TFPT: variants seen among roughly 807,000 people sequenced by gnomAD.
TFPT encodes INO80 complex subunit F.
TFPT carries 27 observed loss-of-function variants against 28.8 expected under a neutral mutation model. The observed-to-expected ratio is 0.94, with a 90% CI of 0.69 to 1.29. The LOEUF (loss-of-function observed/expected upper bound fraction) is 1.29. Among genes scored for constraint, TFPT ranks in the 50% most tolerant of loss-of-function variants. The pLI, the probability that TFPT is intolerant of heterozygous loss-of-function variation, is 0.00. For synonymous variants in TFPT, 152 were observed against 142.8 expected (o/e 1.06, Z -0.46); for missense variants, 330 against 338.0 (o/e 0.98, Z 0.19).
chr19:54,114,707 G>T lies in TFPT; in HGVS notation c.24-7C>A, dbSNP rs751151436. ...GCCCACGGCTGCCATGGTCCTGAGA[G>T]GCAGGGAAAGGCTCAGGGGCCCTGG... On this transcript the variant is annotated splice_polypyrimidine_tract_variant and splice_region_variant and intron_variant, in intron 1 of 5. Transcript: ENST00000391759. The T allele has an allele frequency of 6.2e-7, 1 of 1,609,572 alleles. No individual in the cohort carries two copies. Among genetic ancestry groups the T allele is most frequent in the Admixed American group, 1.7e-5 (1 of 59,844 alleles).
intron 2 of TFPT, among the ~76,000 whole-genome samples, chr19:54,113,011 T>C (rs1329197534): frequency 2.8e-5 from 4 of 140,900 alleles, no homozygotes; most frequent in Admixed American, 2.4e-4. Flanking sequence ...GAGAATCACT[T>C]GAACCCAGGA....
Position 54,108,347 on chromosome 19 carries a change from G to A in TFPT, c.402C>T (p.Ser134=). 6.2e-7 allele frequency: 1 copy of A among 1,608,710 alleles called. No homozygotes were observed. Among genetic ancestry groups the A allele is most frequent in the South Asian group, 1.1e-5 (1 of 90,302 alleles). The change falls in exon 4 of 6, where the codon AGC becomes AGT. Residue 134 remains serine, a synonymous_variant. Coordinates refer to ENST00000391759, the MANE Select transcript of TFPT (RefSeq NM_013342.4). ...LDSYGDDYRA[S]QFTIVLEDEG... ...TCACCTCCAGCACAATGGTGAACTG[G>A]CTGGCCCGGTAGTCATCCCCGTAGG...
intron 1 of TFPT, 56 bp downstream of exon 1, chr19:54,115,191 T>A: frequency 6.2e-7 from 1 of 1,613,414 alleles, no homozygotes; most frequent in Non-Finnish European, 8.5e-7. Context: ...TTGCACACAA[T>A]GCAGCTGCAC....
chr19:54,115,222 T>G (rs751148849), intron 1 of TFPT, 25 bp downstream of exon 1: 1 of 1,614,144 alleles, frequency 6.2e-7, no homozygotes. Context: ...GATTCGCACT[T>G]TTTCACAAGG....
Position 54,107,027 on chromosome 19 carries a change from G to A in TFPT, c.*23C>T, listed in dbSNP as rs1271889021. The stretch of plus-strand genomic sequence containing the variant: ...AGTAGACGGTGGCCGGGGTGAGTGT[G>A]GGGTCAGTTTATTGGGCATGCGTCA... On this transcript the variant is annotated 3_prime_UTR_variant, in exon 6 of 6. Coordinates refer to ENST00000391759, the MANE Select transcript of TFPT (RefSeq NM_013342.4). The A allele has an allele frequency of 4.3e-6, 7 of 1,611,642 alleles. No homozygotes were observed. Among genetic ancestry groups the A allele is most frequent in the Non-Finnish European group, 5.9e-6 (7 of 1,178,786 alleles).
At chr19:54,113,850 C>T (rs1160662070) in intron 2 of TFPT, among the ~76,000 whole-genome samples, 1 of 152,164 alleles carries the variant, frequency 6.6e-6, no homozygotes, top group Admixed American at 6.5e-5. Context: ...CACCACCACA[C>T]CTGGCTAATT....
intron 2 of TFPT, among the ~76,000 whole-genome samples, chr19:54,111,849 G>A (rs917343418): frequency 3.3e-5 from 5 of 151,826 alleles, no homozygotes; most frequent in African/African-American, 9.7e-5. Context: ...GTGTAGTGGC[G>A]CATGCCTGTA....
chr19:54,108,150 GGA>G lies in TFPT; in HGVS notation c.516_517del (p.Pro173CysfsTer12). ...TGGGCTGCCGGGTTCTGGGGGTGCA[GGA>G]GTCCTTCTGGGCGGGGACAGTGTCT... On this transcript the variant is annotated frameshift_variant, in exon 5 of 6. Transcript: ENST00000391759. LOFTEE classifies it high-confidence loss of function. 6.3e-7 allele frequency: 1 copy of G among 1,588,442 alleles called. No individual in the cohort carries two copies. Among genetic ancestry groups the G allele is most frequent in the Non-Finnish European group, 8.6e-7 (1 of 1,165,188 alleles).
rs1220428572 is a variant in TFPT at position 54,110,062 on chromosome 19, C to A, written c.342G>T (p.Gln114His). The A allele has an allele frequency of 6.2e-7, 1 of 1,614,046 alleles. No homozygotes were observed. The highest frequency in any genetic ancestry group is 8.5e-7 in the Non-Finnish European group (1 of 1,180,036). ...AGAGAAGGGGTTACCTCCGTTCCTGCTGCAGCCTCCGAGTTATCCTCTGCA... is the reference window on the plus strand; with the variant it reads ...AGAGAAGGGGTTACCTCCGTTCCTGATGCAGCCTCCGAGTTATCCTCTGCA... ...HQVQRITRRL[Q>H]QERRFLMRVL... is the part of the protein sequence containing the mutation. Residue 114 changes from glutamine (Q) to histidine (H), a missense_variant, in exon 3 of 6, where the codon CAG becomes CAT. Gln to His is a conservative substitution (Grantham distance 24). Coordinates refer to ENST00000391759, the MANE Select transcript of TFPT (RefSeq NM_013342.4).
At chr19:54,108,915 G>A (rs1345331188) in intron 3 of TFPT, 1 of 265,668 alleles carries the variant, frequency 3.8e-6, no homozygotes. Context: ...GTTGTTTTGC[G>A]ACGGAATCTC....
In TFPT at chr19:54,114,406, G is replaced by A; in HGVS notation, c.282+36C>T. Reference sequence around the variant, plus strand: ...TTGCGGGGGGCGGTAGTTTAGGCCAGGGGACCCCAAAACCGGGGGATCCGC... The same window carrying A: ...TTGCGGGGGGCGGTAGTTTAGGCCAAGGGACCCCAAAACCGGGGGATCCGC... On this transcript the variant is annotated intron_variant, in intron 2 of 5. Transcript: ENST00000391759. 6 of 1,589,718 alleles carry A rather than the reference G, an allele frequency of 3.8e-6. No homozygotes were observed. The South Asian group carries it at 4.6e-5, about 12-fold the overall frequency.
intron 5 of TFPT, 103 bp downstream of exon 5, chr19:54,107,923 T>G: frequency 7.8e-7 from 1 of 1,283,996 alleles, no homozygotes; most frequent in Non-Finnish European, 1.1e-6. Flanking sequence ...TGAACCTAAC[T>G]CAGCCCCAGC....
chr19:54,107,986 G>C (rs2073321989), intron 5 of TFPT, 40 bp downstream of exon 5: 17 of 1,504,442 alleles, frequency 1.1e-5, no homozygotes, highest in African/African-American at 2.8e-5. Flanking sequence ...CGCCGGCTCT[G>C]GAGCCCCAGT....
At chr19:54,114,818 C>T (rs1472554569) in intron 1 of TFPT, 118 bp from the exon 2 acceptor site, 3 of 1,399,338 alleles carry the variant, frequency 2.1e-6, no homozygotes, top group Non-Finnish European at 2.9e-6. Flanking sequence ...TCCAGGCCCC[C>T]AGCCCCTCCT....
intron 2 of TFPT, among the ~76,000 whole-genome samples, chr19:54,111,885 C>T (rs587632347): frequency 3.3e-5 from 5 of 152,120 alleles, no homozygotes; most frequent in African/African-American, 9.6e-5. Context: ...GAGGCTGAGG[C>T]AGGAGAATCG....
rs587763857 is a variant in TFPT, at chr19:54,109,521, A to G, written c.353+530T>C. ...AAACTTGCTCCAGTTTTGCTGGTAC[A>G]GGGACACTGCGAGTGGCAGGGGCAG... On this transcript the variant is annotated intron_variant, in intron 3 of 5. Transcript: ENST00000391759. 4.9e-4 allele frequency among the ~76,000 whole-genome samples: 74 copies of G among 152,222 alleles called. 1 individual carries two copies. The highest frequency in any genetic ancestry group is 1.4e-3 in the African/African-American group (60 of 41,534).
At chr19:54,110,306 A>G (rs976612892) in intron 2 of TFPT, among the ~76,000 whole-genome samples, 185 bp from the exon 3 acceptor site, 1 of 151,994 alleles carries the variant, frequency 6.6e-6, no homozygotes, top group South Asian at 2.1e-4. Context: ...AGTGCCCTCC[A>G]GTGGGGGCCT....
At chr19:54,107,315 C>A in intron 5 of TFPT, 146 bp from the exon 6 acceptor site, 1 of 1,076,812 alleles carries the variant, frequency 9.3e-7, no homozygotes, top group Non-Finnish European at 1.3e-6. Context: ...GTGGTGCCAT[C>A]ATAGTTCACT....
intron 2 of TFPT, among the ~76,000 whole-genome samples, chr19:54,113,785 G>A (rs753008579): frequency 1.2e-4 from 18 of 152,124 alleles, no homozygotes; most frequent in Admixed American, 7.2e-4. Flanking sequence ...TCCGCCTTCC[G>A]GGTTCAAGCA....
Sources: allele counts gnomAD v4.1 joint callset (sites outside exome capture counted in the v4.1 genomes callset), GRCh38; gene constraint gnomAD v4.1.1; transcripts MANE v1.5; gene names NCBI Gene and HGNC (gene_info 2026-07-23, HGNC 2026-07-21).